PLGRKT: variants seen among roughly 807,000 people sequenced by gnomAD.
PLGRKT encodes the protein plasminogen receptor with a C-terminal lysine, also known as plasminogen receptor (KT).
A neutral mutation model predicts 18.5 loss-of-function variants in PLGRKT; 22 were observed. That is an observed-to-expected ratio of 1.19 (90% CI 0.85 to 1.70). The LOEUF (loss-of-function observed/expected upper bound fraction) is 1.70, where lower values mean the gene tolerates loss of function less well. Ranked by LOEUF, PLGRKT falls within the 40% of genes most tolerant of loss-of-function variation. The pLI, the probability that PLGRKT is intolerant of heterozygous loss-of-function variation, is 0.00. For synonymous variants in PLGRKT, 72 were observed against 52.8 expected (o/e 1.36, Z -1.58); for missense variants, 235 against 174.4 (o/e 1.35, Z -1.96).
intron 3 of PLGRKT, among the ~76,000 whole-genome samples, chr9:5,379,247 G>C (rs1226532377): frequency 2.0e-5 from 3 of 152,090 alleles, no homozygotes; most frequent in Non-Finnish European, 2.9e-5. Flanking sequence ...ATCAAAATCT[G>C]ATCAGAAATT....
intron 3 of PLGRKT, among the ~76,000 whole-genome samples, chr9:5,381,511 A>C (rs1312433815): frequency 6.6e-6 from 1 of 152,268 alleles, no homozygotes; most frequent in Non-Finnish European, 1.5e-5. Context: ...CCTCCACCTC[A>C]GTTTCAGAGG....
chr9:5,374,664 T>A (rs1817593812), intron 3 of PLGRKT, among the ~76,000 whole-genome samples: 1 of 152,252 alleles, frequency 6.6e-6, no homozygotes, highest in African/African-American at 2.4e-5. Flanking sequence ...TGGTGCAGGT[T>A]ATTTCCAATG....
chr9:5,411,625 C>A (rs575825294), intron 3 of PLGRKT, among the ~76,000 whole-genome samples: 58 of 152,258 alleles, frequency 3.8e-4, no homozygotes, highest in African/African-American at 1.4e-3. Flanking sequence ...AAGAATGAAT[C>A]CACAGCCCTC....
At position 5,419,003 on chromosome 9, in the gene PLGRKT, G is replaced by A. The variant is rs530090470; in HGVS notation, c.81+12894C>T. The A allele has an allele frequency of 1.6e-5, 9 of 575,422 alleles. No homozygotes were observed. The South Asian group carries it at 1.9e-4, about 12-fold the overall frequency. The allele number at this position is 575,422 out of a possible 1,614,324, so 35.6% of individuals were successfully genotyped here. A position where few individuals can be genotyped will look rare whatever the true frequency, so the allele number is the denominator to read the frequency against. ...GTGGACCCTGAGCAGGAAGGGCAAG[G>A]CCAAGGGGAAGGGGAGGGAGCTGGT... On this transcript the variant is annotated intron_variant, in intron 3 of 5. Coordinates refer to ENST00000223864, the MANE Select transcript of PLGRKT (RefSeq NM_018465.4).
At chr9:5,362,200 T>G (rs1817282628) in intron 3 of PLGRKT, among the ~76,000 whole-genome samples, 1 of 152,260 alleles carries the variant, frequency 6.6e-6, no homozygotes, top group African/African-American at 2.4e-5. Flanking sequence ...CTATTGGATG[T>G]GTGGAAAGAT....
At chr9:5,428,043 A>G (rs1818736707) in intron 3 of PLGRKT, among the ~76,000 whole-genome samples, 1 of 152,142 alleles carries the variant, frequency 6.6e-6, no homozygotes, top group Non-Finnish European at 1.5e-5. Context: ...TATCAATGAC[A>G]ATGGGGCAGC....
At chr9:5,409,005 CT>C (rs1818309812) in intron 3 of PLGRKT, among the ~76,000 whole-genome samples, 1 of 152,216 alleles carries the variant, frequency 6.6e-6, no homozygotes, top group Admixed American at 6.5e-5. Flanking sequence ...TTGGGAGCCT[CT>C]TCCTAGATTT....
In PLGRKT at chr9:5,393,947, C is replaced by G. The variant is rs1238265677; in HGVS notation, c.82-32059G>C. Among the ~76,000 whole-genome samples, 6 of 151,742 alleles carry G rather than the reference C, an allele frequency of 4.0e-5. No homozygotes were observed. In the South Asian group the frequency reaches 8.3e-4, roughly 21 times the overall value. The stretch of plus-strand genomic sequence containing the variant: ...TAAAAACTATACCCAGATTTTTGAC[C>G]ATCTGGGAAGAAAAGCCTCTTACCT... On this transcript the variant is annotated intron_variant, in intron 3 of 5. Transcript: ENST00000223864.
In PLGRKT at chr9:5,421,650, G is replaced by C. The variant is rs565901636; in HGVS notation, c.81+10247C>G. Among the ~76,000 whole-genome samples the C allele has an allele frequency of 2.6e-5, 4 of 152,328 alleles. No homozygotes were observed. In the South Asian group the frequency reaches 6.2e-4, roughly 24 times the overall value. On this transcript the variant is annotated intron_variant, in intron 3 of 5. Transcript: ENST00000223864. ...ACTGACTTTGCTGAGTGCTTACATG[G>C]GGCAGATGCTGTGTGCTAAATTCTT...
At chr9:5,404,973 A>G (rs566756696) in intron 3 of PLGRKT, among the ~76,000 whole-genome samples, 2 of 152,226 alleles carry the variant, frequency 1.3e-5, no homozygotes, top group South Asian at 2.1e-4. Context: ...AAGCATTCCT[A>G]TATACCAACA....
chr9:5,373,946 G>C lies in PLGRKT; in HGVS notation c.82-12058C>G, dbSNP rs569821965. ...CAGCCAGGCATTGGAGCCTTTTCCAGAGAGGGTCCCTCTTCAAATCCCATA... is the reference window on the plus strand; with the variant it reads ...CAGCCAGGCATTGGAGCCTTTTCCACAGAGGGTCCCTCTTCAAATCCCATA... On this transcript the variant is annotated intron_variant, in intron 3 of 5. Coordinates refer to ENST00000223864, the MANE Select transcript of PLGRKT (RefSeq NM_018465.4). Among the ~76,000 whole-genome samples the C allele has an allele frequency of 2.6e-5, 4 of 152,294 alleles. No homozygotes were observed. The South Asian group carries it at 8.3e-4, about 32-fold the overall frequency.
chr9:5,366,581 C>A (rs1329871941), intron 3 of PLGRKT, among the ~76,000 whole-genome samples: 1 of 151,976 alleles, frequency 6.6e-6, no homozygotes, highest in South Asian at 2.1e-4. Context: ...AACTAGGCAT[C>A]GAAGGAACAT....
intron 3 of PLGRKT, 119 bp downstream of exon 3, chr9:5,431,778 G>T: frequency 1.6e-6 from 1 of 607,504 alleles, no homozygotes. Context: ...TTGGTTTTAA[G>T]GATGCAGCCC....
At chr9:5,383,974 G>T (rs1289049525) in intron 3 of PLGRKT, among the ~76,000 whole-genome samples, 2 of 152,190 alleles carry the variant, frequency 1.3e-5, no homozygotes, top group African/African-American at 4.8e-5. Flanking sequence ...AATTTGCGGG[G>T]CCTGGGAAAC....
At chr9:5,391,341 A>G (rs1817946147) in intron 3 of PLGRKT, among the ~76,000 whole-genome samples, 1 of 152,020 alleles carries the variant, frequency 6.6e-6, no homozygotes, top group African/African-American at 2.4e-5. Context: ...CCGGGGAAAT[A>G]AAAGCTAAGA....
At chr9:5,433,437 GGAGTGCCTCTGCCCGGC>G (rs1818877881) in intron 2 of PLGRKT, among the ~76,000 whole-genome samples, 1 of 150,304 alleles carries the variant, frequency 6.7e-6, no homozygotes, top group Non-Finnish European at 1.5e-5. Flanking sequence ...TGGGAAGTGA[GGAGTGCCTCTGCCCGGC>G]CGCCACCCCG....
intron 3 of PLGRKT, among the ~76,000 whole-genome samples, chr9:5,403,150 A>T (rs1441302027): frequency 3.3e-5 from 5 of 151,724 alleles, no homozygotes; most frequent in Non-Finnish European, 7.4e-5. Context: ...GATTGGAACA[A>T]TTTATTTCAC....
At chr9:5,400,680 G>A (rs1188987165) in intron 3 of PLGRKT, among the ~76,000 whole-genome samples, 1 of 151,808 alleles carries the variant, frequency 6.6e-6, no homozygotes, top group Non-Finnish European at 1.5e-5. Flanking sequence ...ACTCAACCTT[G>A]TCTTTTCATC....
chr9:5,395,987 G>A lies in PLGRKT; in HGVS notation c.82-34099C>T, dbSNP rs528358843. On this transcript the variant is annotated intron_variant, in intron 3 of 5. Transcript: ENST00000223864. ...TGGTTCACTGCAACCTCCACCTCCC[G>A]AGTTCAAGCGATTCTCCTGCCTTAG... 8.9e-4 allele frequency among the ~76,000 whole-genome samples: 129 copies of A among 145,358 alleles called. 2 individuals are homozygous for A. The highest frequency in any genetic ancestry group is 2.9e-3 in the African/African-American group (113 of 39,434).
Sources: gnomAD v4.1 joint callset for allele counts (sites outside exome capture counted in the v4.1 genomes callset) on GRCh38, gnomAD v4.1.1 for gene constraint, MANE v1.5 for transcripts, NCBI Gene and HGNC (gene_info 2026-07-23, HGNC 2026-07-21) for gene names.